ZNF69: variants seen among roughly 807,000 people sequenced by gnomAD.
ZNF69 encodes the protein zinc finger protein 69.
A neutral mutation model predicts 50.9 loss-of-function variants in ZNF69; 47 were observed. The observed-to-expected ratio is 0.92, with a 90% CI of 0.73 to 1.18. The LOEUF (loss-of-function observed/expected upper bound fraction) is 1.18, where lower values mean the gene tolerates loss of function less well. Among genes scored for constraint, ZNF69 ranks in the 50% most tolerant of loss-of-function variants. The pLI is 0.00. For missense variants in ZNF69, 717 were observed against 675.1 expected (o/e 1.06, Z -0.69); for synonymous variants, 216 against 223.1 (o/e 0.97, Z 0.29).
chr19:11,888,106 C>T lies in ZNF69; in HGVS notation c.63+120C>T, dbSNP rs112565832. 5.5e-3 allele frequency: 4,918 copies of T among 892,720 alleles called. 166 individuals are homozygous for T. In the African/African-American group the frequency reaches 0.075, roughly 14 times the overall value. The allele number at this position is 892,720 out of a possible 1,614,324, so 55.3% of individuals were successfully genotyped here. On this transcript the variant is annotated intron_variant, in intron 1 of 3. Transcript: ENST00000429654. The stretch of plus-strand genomic sequence containing the variant: ...ACTTTGGGATCTGGGACCGAGTCCT[C>T]CTGGAGCCGCTCGGCCCTCGGTCCC...
intron 1 of ZNF69, among the ~76,000 whole-genome samples, chr19:11,888,840 G>C (rs1332491128): frequency 6.6e-6 from 1 of 152,178 alleles, no homozygotes; most frequent in Non-Finnish European, 1.5e-5. Context: ...GGGCGTGATG[G>C]TGGACGCCTG....
the ZNF69 span, chr19:11,977,483 A>G: frequency 1.9e-6 from 3 of 1,587,422 alleles, no homozygotes; most frequent in Admixed American, 5.2e-5. Context: ...TTAGTATATG[A>G]TAATATGTTG....
Position 11,905,549 on chromosome 19 carries a change from A to G in ZNF69, c.1152A>G (p.Gly384=). ...SFQRHEKTHS[G]EKPYKCKQCG... is the part of the protein sequence containing the mutation. ...AAAGACATGAAAAAACTCACAGTGG[A>G]GAGAAACCCTATAAATGCAAGCAAT... The change falls in exon 4 of 4, where the codon GGA becomes GGG. Residue 384 remains glycine (G), a synonymous_variant. Coordinates refer to ENST00000429654, the MANE Select transcript of ZNF69 (RefSeq NM_001364730.1). 10 of 1,613,892 alleles carry G rather than the reference A, an allele frequency of 6.2e-6. No homozygotes were observed. Among genetic ancestry groups the G allele is most frequent in the Non-Finnish European group, 7.6e-6 (9 of 1,179,992 alleles).
At chr19:11,941,980 A>T in the ZNF69 span, among the ~76,000 whole-genome samples, 1 of 516 alleles carries the variant, frequency 1.9e-3, no homozygotes, top group East Asian at 0.056. Context: ...TGTGCTTATT[A>T]CACCTGGTAT....
chr19:11,925,159 G>A, the ZNF69 span: 12 of 1,601,636 alleles, frequency 7.5e-6, no homozygotes, highest in African/African-American at 1.6e-4. Flanking sequence ...AGACCAGCCC[G>A]AGAGGGACCT....
chr19:11,953,120 T>G, the ZNF69 span: 4 of 152,278 alleles, frequency 2.6e-5, no homozygotes, highest in Non-Finnish European at 5.9e-5. Context: ...CACCTGGATC[T>G]AACCCCTGTC....
At chr19:11,911,814 T>TATAATA (rs574789924) in intron 4 of ZNF69, among the ~76,000 whole-genome samples, 12 of 151,854 alleles carry the variant, frequency 7.9e-5, no homozygotes, top group Admixed American at 4.6e-4. Flanking sequence ...GAACTTAAAG[T>TATAATA]ATAATAATAA....
exon 5 of ZNF69, chr19:11,913,942 G>C (rs73003920): frequency 6.6e-6 from 1 of 152,138 alleles, no homozygotes; most frequent in African/African-American, 2.4e-5. Flanking sequence ...TAGAAATATA[G>C]TTACAAAATG....
chr19:11,904,771 C>A lies in ZNF69; in HGVS notation c.374C>A (p.Ser125Ter). 6.2e-7 allele frequency: 1 copy of A among 1,613,968 alleles called. No homozygotes were observed. Among genetic ancestry groups the A allele is most frequent in the East Asian group, 2.2e-5 (1 of 44,868 alleles). Reference protein sequence around the residue: ...QEKKASPEIKSCDSFVCGEVG... With the variant: ...QEKKASPEIK ...AAGAAAGCTTCTCCTGAAATAAAAT[C>A]ATGTGACAGCTTTGTGTGTGGAGAA... Residue 125 changes from serine (S) to a stop codon, truncating the protein, a stop_gained, in exon 4 of 4, where the codon TCA (serine) becomes TAA (stop). Transcript: ENST00000429654. LOFTEE classifies it high-confidence loss of function.
At position 11,900,483 on chromosome 19, in the gene ZNF69, A is replaced by G. The variant is rs184391984; in HGVS notation, c.64-3090A>G. Among the ~76,000 whole-genome samples the G allele has an allele frequency of 4.3e-3, 658 of 151,846 alleles. 4 individuals carry two copies. Among genetic ancestry groups the G allele is most frequent in the African/African-American group, 0.014 (596 of 41,394 alleles). ...TTCTCCTGCCTCAGCCTCCTGAGTAACTGGGATTACAGGCTCACGCCACCA... is the reference window on the plus strand; with the variant it reads ...TTCTCCTGCCTCAGCCTCCTGAGTAGCTGGGATTACAGGCTCACGCCACCA... On this transcript the variant is annotated intron_variant, in intron 1 of 3. Coordinates refer to ENST00000429654, the MANE Select transcript of ZNF69 (RefSeq NM_001364730.1).
At chr19:11,934,179 A>ATT in the ZNF69 span, among the ~76,000 whole-genome samples, 2 of 146,624 alleles carry the variant, frequency 1.4e-5, no homozygotes, top group Admixed American at 1.3e-4. Flanking sequence ...GACCTCATCT[A>ATT]TTTTTTTTTA....
chr19:11,908,960 A>C (rs2145249389), downstream of ZNF69, among the ~76,000 whole-genome samples: 1 of 152,312 alleles, frequency 6.6e-6, no homozygotes, highest in Non-Finnish European at 1.5e-5. Flanking sequence ...GAAGAATCAA[A>C]TAGATGCAAT....
chr19:11,911,703 G>A (rs1476465576), intron 4 of ZNF69, among the ~76,000 whole-genome samples: 1 of 152,110 alleles, frequency 6.6e-6, no homozygotes, highest in Non-Finnish European at 1.5e-5. Context: ...ATAGCACTGG[G>A]AGATATACCT....
At chr19:11,904,219 C>A (rs1395382261) in intron 3 of ZNF69, among the ~76,000 whole-genome samples, 2 of 152,076 alleles carry the variant, frequency 1.3e-5, no homozygotes, top group Non-Finnish European at 2.9e-5. Flanking sequence ...ATAACGAGAC[C>A]ACATATCAAC....
the ZNF69 span, chr19:11,956,605 C>A: frequency 5.0e-6 from 2 of 398,568 alleles, no homozygotes; most frequent in East Asian, 7.1e-5. Context: ...CCTGTAATCC[C>A]AGCACTTTGG....
exon 5 of ZNF69, chr19:11,913,539 C>G (rs2145255967): frequency 5.0e-6 from 2 of 397,596 alleles, no homozygotes; most frequent in South Asian, 9.7e-5. Flanking sequence ...CAGGCATGCA[C>G]CACCACGCCA....
the ZNF69 span, among the ~76,000 whole-genome samples, chr19:11,961,128 A>G: frequency 2.0e-5 from 3 of 152,148 alleles, no homozygotes; most frequent in Non-Finnish European, 4.4e-5. Flanking sequence ...CAAAATTTAT[A>G]TGTACAAGCC....
At chr19:11,929,323 T>C in the ZNF69 span, among the ~76,000 whole-genome samples, 3 of 147,746 alleles carry the variant, frequency 2.0e-5, no homozygotes, top group Non-Finnish European at 1.5e-5. Flanking sequence ...GCCACCACAC[T>C]CAGCTGATTT....
chr19:11,931,306 G>A, the ZNF69 span, among the ~76,000 whole-genome samples: 2 of 148,042 alleles, frequency 1.4e-5, no homozygotes, highest in Middle Eastern at 3.4e-3. Context: ...GCAAATGATC[G>A]TCTTCTTGTG....
Sources: gnomAD v4.1 joint callset for allele counts (sites outside exome capture counted in the v4.1 genomes callset) on GRCh38, gnomAD v4.1.1 for gene constraint, MANE v1.5 for transcripts, NCBI Gene and HGNC (gene_info 2026-07-23, HGNC 2026-07-21) for gene names.